The following COMMD7 variants were observed in gnomAD, a reference collection of about 807,000 sequenced individuals.
COMMD7 encodes COMM domain containing 7.
COMMD7 carries 28 observed loss-of-function variants against 34.8 expected under a neutral mutation model. The observed-to-expected ratio is 0.80, with a 90% CI of 0.60 to 1.10. COMMD7 has a LOEUF of 1.10. Ranked by LOEUF, COMMD7 falls within the 50% of genes least tolerant of loss-of-function variation. COMMD7 has a pLI of 0.00. For missense variants in COMMD7, 211 were observed against 241.6 expected (o/e 0.87, Z 0.84); for synonymous variants, 80 against 86.4 (o/e 0.93, Z 0.41).
chr20:32,734,893 C>T (rs547764086), intron 1 of COMMD7, among the ~76,000 whole-genome samples: 2 of 151,710 alleles, frequency 1.3e-5, no homozygotes, highest in East Asian at 1.9e-4. Context: ...CATTGCAGTC[C>T]AGCTTGGGCA....
chr20:32,736,874 T>C (rs944118565), intron 1 of COMMD7, among the ~76,000 whole-genome samples: 6 of 151,416 alleles, frequency 4.0e-5, no homozygotes, highest in Middle Eastern at 3.2e-3. Context: ...ACCCCATTTC[T>C]TCAAAAATTA....
chr20:32,740,074 T>C (rs1986348405), intron 1 of COMMD7, among the ~76,000 whole-genome samples: 2 of 138,858 alleles, frequency 1.4e-5, no homozygotes, highest in South Asian at 5.2e-4. Flanking sequence ...TCCCAAAACT[T>C]TGGGAGGCCG....
chr20:32,732,249 T>C (rs556808184), intron 1 of COMMD7, among the ~76,000 whole-genome samples: 6 of 152,156 alleles, frequency 3.9e-5, no homozygotes, highest in Admixed American at 1.3e-4. Flanking sequence ...CACATCCACA[T>C]TGGGCTAATT....
At chr20:32,722,493 G>A (rs1985231518) in intron 3 of COMMD7, among the ~76,000 whole-genome samples, 2 of 152,078 alleles carry the variant, frequency 1.3e-5, no homozygotes, top group South Asian at 4.1e-4. Flanking sequence ...GGGAGGCGTG[G>A]CCGGCAGATC....
At chr20:32,719,315 G>T (rs765700740) in intron 3 of COMMD7, among the ~76,000 whole-genome samples, 1 of 152,086 alleles carries the variant, frequency 6.6e-6, no homozygotes, top group Admixed American at 6.6e-5. Flanking sequence ...GCAGCCTTTG[G>T]GACTAGAAAG....
At chr20:32,711,798 CA>C (rs1984460459) in intron 3 of COMMD7, among the ~76,000 whole-genome samples, 1 of 132,834 alleles carries the variant, frequency 7.5e-6, no homozygotes, top group African/African-American at 2.9e-5. Flanking sequence ...GACCTTATGT[CA>C]GACAGAATGA....
At chr20:32,711,415 TAA>T (rs76264991) in intron 3 of COMMD7, among the ~76,000 whole-genome samples, 15 of 123,916 alleles carry the variant, frequency 1.2e-4, no homozygotes, top group Admixed American at 1.6e-4. Flanking sequence ...AAATGTTACT[TAA>T]AAAAAAAAAA....
intron 1 of COMMD7, among the ~76,000 whole-genome samples, chr20:32,737,086 GC>G: frequency 6.6e-6 from 1 of 152,048 alleles, no homozygotes; most frequent in South Asian, 2.1e-4. Context: ...GGAGGCTGAG[GC>G]AGGAGAATGG....
At position 32,706,571 on chromosome 20, in the gene COMMD7, G is replaced by C. The variant is rs1312962723; in HGVS notation, c.336+12C>G. 1.3e-5 allele frequency: 21 copies of C among 1,592,462 alleles called. No individual in the cohort carries two copies. The highest frequency in any genetic ancestry group is 1.6e-5 in the Non-Finnish European group (19 of 1,162,540). On this transcript the variant is annotated intron_variant, in intron 5 of 8. Coordinates refer to ENST00000278980, the MANE Select transcript of COMMD7 (RefSeq NM_053041.3). ...TTAATCAGCCATTAACCTTGATTAA[G>C]AGGAATTATACCTTTTCAGAAAAGT...
rs138284063 is a variant in COMMD7 at position 32,707,531 on chromosome 20, G to C, written c.242-771C>G. On this transcript the variant is annotated intron_variant, in intron 3 of 8. Coordinates refer to ENST00000278980, the MANE Select transcript of COMMD7 (RefSeq NM_053041.3). Reference sequence around the variant, plus strand: ...GACTGGGTTTTACCATGTTGACCAGGCTGGTCTTGAACTATTGACCTCAAG... The same window carrying C: ...GACTGGGTTTTACCATGTTGACCAGCCTGGTCTTGAACTATTGACCTCAAG... Among the ~76,000 whole-genome samples the C allele has an allele frequency of 3.0e-3, 454 of 151,822 alleles. 2 individuals are homozygous for C. The highest frequency in any genetic ancestry group is 0.011 in the African/African-American group (443 of 41,438).
intron 4 of COMMD7, 27 bp from the exon 5 acceptor site, chr20:32,706,647 A>AC (rs1224009660): frequency 6.2e-7 from 1 of 1,612,148 alleles, no homozygotes; most frequent in African/African-American, 1.3e-5. Context: ...GGAGATATTA[A>AC]CATAATAAAA....
intron 3 of COMMD7, among the ~76,000 whole-genome samples, chr20:32,720,211 T>C (rs1469238219): frequency 6.6e-6 from 1 of 152,176 alleles, no homozygotes; most frequent in Non-Finnish European, 1.5e-5. Flanking sequence ...TGATCTGCTA[T>C]ACGCCGGGCA....
chr20:32,718,353 G>A (rs11696729), intron 3 of COMMD7, among the ~76,000 whole-genome samples: 6 of 151,120 alleles, frequency 4.0e-5, no homozygotes, highest in Non-Finnish European at 7.4e-5. Flanking sequence ...GCAGTGAACC[G>A]AGTTTGCGCC....
chr20:32,717,961 T>C (rs1361362950), intron 3 of COMMD7, among the ~76,000 whole-genome samples: 2 of 150,776 alleles, frequency 1.3e-5, no homozygotes, highest in Non-Finnish European at 2.9e-5. Context: ...TGGTAGTGTG[T>C]GCCTGTAATC....
intron 3 of COMMD7, among the ~76,000 whole-genome samples, chr20:32,722,309 G>A (rs1262750014): frequency 6.6e-6 from 1 of 151,224 alleles, no homozygotes; most frequent in African/African-American, 2.4e-5. Context: ...GGAAGACTGG[G>A]GACAGGGACA....
rs373468047 is a variant in COMMD7, at chr20:32,723,044, TA to T, written c.241+4848del. Among the ~76,000 whole-genome samples, 13 of 4,360 alleles carry T rather than the reference TA, an allele frequency of 3.0e-3. No individual in the cohort carries two copies. The East Asian group carries it at 0.079, about 26-fold the overall frequency. 2.9% of individuals were successfully genotyped at this position (4,360 alleles called of 152,430 possible). ...AAAAATAAATAAATAAATAAATAAATAAATAATAATAATAATAATAAAGACT... is the reference window on the plus strand; with the variant it reads ...AAAAATAAATAAATAAATAAATAAATAATAATAATAATAATAATAAAGACT... On this transcript the variant is annotated intron_variant, in intron 3 of 8. Coordinates refer to ENST00000278980, the MANE Select transcript of COMMD7 (RefSeq NM_053041.3).
intron 3 of COMMD7, among the ~76,000 whole-genome samples, chr20:32,717,273 G>A (rs2145736038): frequency 6.6e-6 from 1 of 151,810 alleles, no homozygotes; most frequent in South Asian, 2.1e-4. Flanking sequence ...TCCTGTCTCA[G>A]CCTCTGAAGT....
chr20:32,706,648 C>T, intron 4 of COMMD7, 28 bp from the exon 5 acceptor site: 1 of 1,612,050 alleles, frequency 6.2e-7, no homozygotes, highest in East Asian at 2.2e-5. Flanking sequence ...GAGATATTAA[C>T]ATAATAAAAA....
chr20:32,733,321 C>T (rs1440004846), intron 1 of COMMD7, among the ~76,000 whole-genome samples: 1 of 152,130 alleles, frequency 6.6e-6, no homozygotes, highest in Non-Finnish European at 1.5e-5. Context: ...TGGCTCACGC[C>T]TGTAATCCCA....
Sources: gnomAD v4.1 joint callset for allele counts (sites outside exome capture counted in the v4.1 genomes callset) on GRCh38, gnomAD v4.1.1 for gene constraint, MANE v1.5 for transcripts, NCBI Gene and HGNC (gene_info 2026-07-23, HGNC 2026-07-21) for gene names.